Variants in HTR3C observed in about 807,000 individuals in gnomAD.
HTR3C encodes 5-HT3-C.
HTR3C carries 32 observed loss-of-function variants against 40.5 expected under a neutral mutation model. The ratio of observed to expected loss-of-function variants is 0.79; its 90% confidence interval spans 0.60 to 1.06. HTR3C has a LOEUF of 1.06. Ranked by LOEUF, HTR3C falls within the 50% of genes least tolerant of loss-of-function variation. The probability of loss-of-function intolerance (pLI) is 0.00; values close to 1 mark genes in which losing one functional copy is unlikely to be tolerated. For synonymous variants in HTR3C, 209 were observed against 217.1 expected, an observed-to-expected ratio of 0.96 and a Z score of 0.33; for missense variants, 523 against 556.8, an observed-to-expected ratio of 0.94 and a Z score of 0.61.
In HTR3C at chr3:184,059,829, T is replaced by C. The variant is rs1474203880; in HGVS notation, c.927T>C (p.Ser309=). 6.2e-7 allele frequency: 1 copy of C among 1,613,944 alleles called. No individual in the cohort carries two copies. Among genetic ancestry groups the C allele is most frequent in the South Asian group, 1.1e-5 (1 of 91,072 alleles). ...LLPASGTPLI[S]VYFALCLSLM... The stretch of plus-strand genomic sequence containing the variant: ...ATTTATAATTTGCTCTGCCCTCAGG[T>C]GTCTACTTCGCCCTGTGCCTGTCCC... Residue 309 remains serine (S), a splice_region_variant and synonymous_variant, in exon 8 of 9, where the codon AGT becomes AGC. Transcript: ENST00000318351.
chr3:184,058,346 G>A (rs961189651), intron 5 of HTR3C, 81 bp from the exon 6 acceptor site: 6 of 1,407,514 alleles, frequency 4.3e-6, no homozygotes, highest in African/African-American at 1.5e-5. Flanking sequence ...TGGTTTAGAA[G>A]CTCAGTGGGG....
intron 6 of HTR3C, among the ~76,000 whole-genome samples, chr3:184,059,077 C>T (rs28421924): frequency 0.09 from 13,681 of 152,208 alleles, 1,777 homozygotes; most frequent in African/African-American, 0.29. Flanking sequence ...TCCCCCACTC[C>T]CCATTTGCCC....
At position 184,059,450 on chromosome 3, in the gene HTR3C, C is replaced by T; in HGVS notation, c.735C>T (p.Arg245=). ...TCTCTCTCCAGGTGGCCATCAGGCGCAGGCCAAGCCTCTACATCATAAACC... is the reference window on the plus strand; with the variant it reads ...TCTCTCTCCAGGTGGCCATCAGGCGTAGGCCAAGCCTCTACATCATAAACC... ...DQIMFYVAIR[R]RPSLYIINLL... is the part of the protein sequence containing the mutation. The change falls in exon 7 of 9, where the codon CGC becomes CGT. Residue 245 remains arginine, a synonymous_variant. Transcript: ENST00000318351. The T allele has an allele frequency of 1.2e-6, 2 of 1,614,174 alleles. No individual in the cohort carries two copies. The highest frequency in any genetic ancestry group is 4.5e-5 in the East Asian group (2 of 44,886).
In HTR3C at chr3:184,055,908, A is replaced by G. The variant is rs1723313857; in HGVS notation, c.280-269A>G. ...TCAAAAAAAAAAAAAAAAAAAAAAA[A>G]AAAAAGGCCAAGTGCAGGCCAATAT... On this transcript the variant is annotated intron_variant, in intron 3 of 8. Transcript: ENST00000318351. 2.0e-5 allele frequency among the ~76,000 whole-genome samples: 3 copies of G among 150,282 alleles called. No homozygotes were observed. The South Asian group carries it at 6.3e-4, about 32-fold the overall frequency.
chr3:184,058,719 C>T, intron 6 of HTR3C, 132 bp downstream of exon 6: 1 of 969,286 alleles, frequency 1.0e-6, no homozygotes, highest in South Asian at 1.8e-5. Flanking sequence ...AATCCCAGTA[C>T]TTTGGGAGGC....
rs1723417615 is a variant in HTR3C, at chr3:184,060,184, G to A, written c.1176G>A (p.Lys392=). The A allele has an allele frequency of 1.9e-6, 3 of 1,614,174 alleles. No homozygotes were observed. The highest frequency in any genetic ancestry group is 2.5e-6 in the Non-Finnish European group (3 of 1,180,030). ...PKEPGELAGK[K]LGPRETEPDG... Reference sequence around the variant, plus strand: ...AGCCGGGGGAGTTAGCAGGGAAGAAGCTGGGACCCAGAGAGACCGAGCCAG... The same window carrying A: ...AGCCGGGGGAGTTAGCAGGGAAGAAACTGGGACCCAGAGAGACCGAGCCAG... Residue 392 remains lysine (K), a synonymous_variant, in exon 9 of 9, where the codon AAG becomes AAA. Coordinates refer to ENST00000318351, the MANE Select transcript of HTR3C (RefSeq NM_130770.3).
At chr3:184,056,583 A>G (rs1360999036) in intron 4 of HTR3C, among the ~76,000 whole-genome samples, 1 of 152,142 alleles carries the variant, frequency 6.6e-6, no homozygotes, top group African/African-American at 2.4e-5. Context: ...CCCCATCTCT[A>G]CTAAAAATAC....
intron 3 of HTR3C, 96 bp from the exon 4 acceptor site, chr3:184,056,081 G>A: frequency 1.3e-6 from 1 of 758,804 alleles, no homozygotes. Flanking sequence ...AATGGGAGTG[G>A]GAGGATCAAG....
At position 184,056,894 on chromosome 3, in the gene HTR3C, C is replaced by A. The variant is rs1723337480; in HGVS notation, c.409C>A (p.Pro137Thr). The change falls in exon 5 of 9, where the codon CCT becomes ACT. Residue 137 changes from proline to threonine, a missense_variant. Pro to Thr is a conservative substitution (Grantham distance 38). Transcript: ENST00000318351. The part of the protein sequence containing the change: ...IVESMDVDQT[P>T]SGLTAYISSE... The stretch of plus-strand genomic sequence containing the variant: ...AAACAGCATGGATGTGGATCAGACG[C>A]CTTCCGGTCTCACTGCCTATATCAG... The A allele has an allele frequency of 2.5e-6, 4 of 1,610,144 alleles. No individual in the cohort carries two copies. Among genetic ancestry groups the A allele is most frequent in the Non-Finnish European group, 2.5e-6 (3 of 1,177,276 alleles).
rs1051423186 is a variant in HTR3C, at chr3:184,055,288, C to A, written c.235-24C>A. ...GGCCAAACCTTTTAACACTAATAATCCTGAGTGGAAATTTCCTTGTCAGGA... is the reference window on the plus strand; with the variant it reads ...GGCCAAACCTTTTAACACTAATAATACTGAGTGGAAATTTCCTTGTCAGGA... On this transcript the variant is annotated intron_variant, in intron 2 of 8. Coordinates refer to ENST00000318351, the MANE Select transcript of HTR3C (RefSeq NM_130770.3). The A allele has an allele frequency of 6.4e-6, 10 of 1,571,992 alleles. No individual in the cohort carries two copies. The Admixed American group carries it at 1.7e-4, about 26-fold the overall frequency.
chr3:184,053,230 A>G (rs1445516418), intron 1 of HTR3C, 83 bp downstream of exon 1: 28 of 931,738 alleles, frequency 3.0e-5, no homozygotes, highest in South Asian at 1.3e-5. Context: ...GAGGGCATTC[A>G]GAATTAATGT....
At chr3:184,057,764 A>T (rs1015667068) in intron 5 of HTR3C, among the ~76,000 whole-genome samples, 1 of 151,690 alleles carries the variant, frequency 6.6e-6, no homozygotes, top group Admixed American at 6.6e-5. Context: ...CAAAACAAAA[A>T]ACAAAAACAA....
intron 5 of HTR3C, among the ~76,000 whole-genome samples, chr3:184,057,708 C>G (rs899975219): frequency 6.6e-6 from 1 of 152,074 alleles, no homozygotes; most frequent in East Asian, 1.9e-4. Context: ...GCACTCCAGC[C>G]TGGGCGACAG....
In HTR3C at chr3:184,058,629, T is replaced by A. The variant is rs372842568; in HGVS notation, c.720+42T>A. 3.8e-5 allele frequency: 60 copies of A among 1,587,912 alleles called. No individual in the cohort carries two copies. In the African/African-American group the frequency reaches 7.0e-4, roughly 18 times the overall value. ...CTGTTTGACTTCTGATCCCAGCAGC[T>A]CTTTGATTGTCCTCTTGACCTATGG... is the stretch of plus-strand genomic sequence containing the variant. On this transcript the variant is annotated intron_variant, in intron 6 of 8. Transcript: ENST00000318351.
In HTR3C at chr3:184,058,155, T is replaced by A. The variant is rs536547167; in HGVS notation, c.560-272T>A. Among the ~76,000 whole-genome samples, 116 of 152,176 alleles carry A rather than the reference T, an allele frequency of 7.6e-4. 4 individuals carry two copies. The South Asian group carries it at 0.022, about 29-fold the overall frequency. On this transcript the variant is annotated intron_variant, in intron 5 of 8. Transcript: ENST00000318351. ...GACTGAGAAGGAAAATAGGAATGAC[T>A]CCAAAAGTTCTTGACTCACGTTTCA...
rs1395959548 is a variant in HTR3C at position 184,056,902 on chromosome 3, T to C, written c.417T>C (p.Gly139=). Residue 139 remains glycine (G), a synonymous_variant, in exon 5 of 9, where the codon GGT becomes GGC. Transcript: ENST00000318351. ...TGGATGTGGATCAGACGCCTTCCGGTCTCACTGCCTATATCAGCAGTGAAG... is the reference window on the plus strand; with the variant it reads ...TGGATGTGGATCAGACGCCTTCCGGCCTCACTGCCTATATCAGCAGTGAAG... ...ESMDVDQTPS[G]LTAYISSEGR... The C allele has an allele frequency of 2.5e-6, 4 of 1,611,520 alleles. No homozygotes were observed. Among genetic ancestry groups the C allele is most frequent in the Admixed American group, 3.3e-5 (2 of 59,952 alleles).
rs374679789 is a variant in HTR3C, at chr3:184,056,945, A to G, written c.460A>G (p.Lys154Glu). Reference sequence around the variant, plus strand: ...CAGTGAAGGTCGAATTAAGTATGATAAGCCAATGAGGGTGACCAGCATCTG... The same window carrying G: ...CAGTGAAGGTCGAATTAAGTATGATGAGCCAATGAGGGTGACCAGCATCTG... ...ISSEGRIKYD[K>E]PMRVTSICNL... is the part of the protein sequence containing the mutation. Residue 154 changes from lysine (K) to glutamate (E), a missense_variant, in exon 5 of 9, where the codon AAG (lysine) becomes GAG (glutamate). Transcript: ENST00000318351. 42 of 1,613,688 alleles carry G rather than the reference A, an allele frequency of 2.6e-5. No individual in the cohort carries two copies. Among genetic ancestry groups the G allele is most frequent in the Non-Finnish European group, 3.5e-5 (41 of 1,179,780 alleles).
chr3:184,060,298 C>G lies in HTR3C; in HGVS notation c.1290C>G (p.Tyr430Ter). The change falls in exon 9 of 9, where the codon TAC becomes TAG. Residue 430 changes from tyrosine (Y) to a stop codon, truncating the protein, a stop_gained. Transcript: ENST00000318351. LOFTEE classifies it high-confidence loss of function. ...HAMDTLLFRLYLLFMASSILT... is the reference protein window; with the variant it reads ...HAMDTLLFRL ...TGGACACCCTGCTCTTCCGCCTCTA[C>G]CTGCTCTTCATGGCCTCCTCCATCC... 1 of 1,614,178 alleles carries G rather than the reference C, an allele frequency of 6.2e-7. No individual in the cohort carries two copies. Among genetic ancestry groups the G allele is most frequent in the Non-Finnish European group, 8.5e-7 (1 of 1,180,014 alleles).
intron 1 of HTR3C, among the ~76,000 whole-genome samples, chr3:184,053,467 A>G (rs778716669): frequency 9.2e-5 from 14 of 152,098 alleles, no homozygotes; most frequent in Non-Finnish European, 1.9e-4. Context: ...TCCTGACATG[A>G]TATCTATGAG....
Sources: gnomAD v4.1 joint callset for allele counts (sites outside exome capture counted in the v4.1 genomes callset) on GRCh38, gnomAD v4.1.1 for gene constraint, MANE v1.5 for transcripts, NCBI Gene and HGNC (gene_info 2026-07-23, HGNC 2026-07-21) for gene names.